DLG2: variants seen among roughly 807,000 people sequenced by gnomAD.
DLG2 encodes the protein disks large homolog 2.
In DLG2, 45 loss-of-function variants were observed where a neutral mutation model predicts 132.5. The observed-to-expected ratio is 0.34, with a 90% confidence interval of 0.27 to 0.44. The LOEUF is 0.44. Ranked by LOEUF, DLG2 falls within the 20% of genes least tolerant of loss-of-function variation. DLG2 has a pLI of 1.00. For synonymous variants in DLG2, 424 were observed against 419.6 expected (o/e 1.01, Z -0.13); for missense variants, 1,045 against 1,196.9 (o/e 0.87, Z 1.87).
At chr11:84,462,522 T>C (rs2099083150) in intron 7 of DLG2, among the ~76,000 whole-genome samples, 1 of 151,054 alleles carries the variant, frequency 6.6e-6, no homozygotes. Flanking sequence ...GTCCAAAAAC[T>C]AAGAAATGAA....
chr11:84,299,910 C>G (rs2098133570), intron 7 of DLG2, among the ~76,000 whole-genome samples: 1 of 152,092 alleles, frequency 6.6e-6, no homozygotes, highest in African/African-American at 2.4e-5. Context: ...AGGTGCCCAG[C>G]TTTGATGAGA....
chr11:85,356,959 A>G (rs2083748833), intron 3 of DLG2, among the ~76,000 whole-genome samples: 1 of 152,154 alleles, frequency 6.6e-6, no homozygotes, highest in Non-Finnish European at 1.5e-5. Flanking sequence ...TTTACTGGGA[A>G]GCTTCTGGGT....
At chr11:85,511,573 C>A (rs779827785) in intron 3 of DLG2, among the ~76,000 whole-genome samples, 30 of 151,802 alleles carry the variant, frequency 2.0e-4, no homozygotes, top group Non-Finnish European at 2.9e-4. Flanking sequence ...TCAAGCAGAA[C>A]CTAAATGATA....
intron 18 of DLG2, chr11:83,647,466 C>T (rs1298893170): frequency 2.0e-5 from 3 of 152,124 alleles, no homozygotes; most frequent in African/African-American, 7.2e-5. Flanking sequence ...GCTATAGCTG[C>T]TCCTTTTAAA....
intron 5 of DLG2, among the ~76,000 whole-genome samples, chr11:85,139,301 T>C (rs2076312685): frequency 6.6e-6 from 1 of 152,112 alleles, no homozygotes; most frequent in Admixed American, 6.6e-5. Context: ...GATTTTTGAA[T>C]GAGTGAATGA....
chr11:83,578,393 C>G (rs1456695533), intron 19 of DLG2, among the ~76,000 whole-genome samples: 1 of 152,000 alleles, frequency 6.6e-6, no homozygotes, highest in East Asian at 1.9e-4. Flanking sequence ...GATGATTAGA[C>G]TTAAACCTAA....
At chr11:84,832,238 C>T (rs1322394388) in intron 6 of DLG2, among the ~76,000 whole-genome samples, 1 of 151,748 alleles carries the variant, frequency 6.6e-6, no homozygotes, top group African/African-American at 2.4e-5. Context: ...GCACCAGAAA[C>T]TTAAATCTTT....
intron 9 of DLG2, among the ~76,000 whole-genome samples, chr11:84,134,254 A>G (rs2094522279): frequency 6.6e-6 from 1 of 150,912 alleles, no homozygotes; most frequent in South Asian, 2.1e-4. Context: ...ACTTAGGTAG[A>G]AACAGTCTTC....
chr11:84,026,607 TATA>T (rs1383733407), intron 11 of DLG2, among the ~76,000 whole-genome samples: 6 of 56,922 alleles, frequency 1.1e-4, no homozygotes, highest in Non-Finnish European at 2.0e-4. Flanking sequence ...GTTCCACACT[TATA>T]GTTATATATC....
At chr11:84,434,831 T>C (rs2098995597) in intron 7 of DLG2, among the ~76,000 whole-genome samples, 1 of 148,456 alleles carries the variant, frequency 6.7e-6, no homozygotes, top group African/African-American at 2.5e-5. Context: ...TTGAGGAAAA[T>C]ACTTTTCAGT....
At chr11:84,797,710 G>T (rs1189046550) in intron 6 of DLG2, among the ~76,000 whole-genome samples, 4 of 152,120 alleles carry the variant, frequency 2.6e-5, no homozygotes, top group African/African-American at 9.7e-5. Flanking sequence ...TGTCACTCTG[G>T]GTTTAGTCAC....
intron 18 of DLG2, among the ~76,000 whole-genome samples, chr11:83,744,351 C>T (rs2092752963): frequency 6.6e-6 from 1 of 152,170 alleles, no homozygotes; most frequent in Admixed American, 6.6e-5. Context: ...TTCCCATATG[C>T]ACTCTGATTA....
chr11:85,095,534 G>C (rs1015240748), intron 6 of DLG2, among the ~76,000 whole-genome samples: 4 of 151,458 alleles, frequency 2.6e-5, no homozygotes, highest in African/African-American at 9.7e-5. Context: ...TCTTAAATAT[G>C]CTCATTTTTC....
chr11:85,239,036 A>T (rs1298328265), intron 4 of DLG2, among the ~76,000 whole-genome samples: 1 of 151,998 alleles, frequency 6.6e-6, no homozygotes, highest in African/African-American at 2.4e-5. Flanking sequence ...GTTATTCAAG[A>T]TTTACAATAT....
intron 4 of DLG2, among the ~76,000 whole-genome samples, chr11:85,168,104 T>C (rs1337800317): frequency 6.6e-6 from 1 of 152,118 alleles, no homozygotes; most frequent in Non-Finnish European, 1.5e-5. Context: ...TATTTGTTGA[T>C]TCAATATACA....
At chr11:85,374,512 T>A (rs2085246346) in intron 3 of DLG2, among the ~76,000 whole-genome samples, 1 of 152,204 alleles carries the variant, frequency 6.6e-6, no homozygotes, top group Non-Finnish European at 1.5e-5. Flanking sequence ...GCTAATTTTG[T>A]ATTTTTAGTA....
chr11:84,813,622 T>A (rs1266080431), intron 6 of DLG2, among the ~76,000 whole-genome samples: 1 of 152,076 alleles, frequency 6.6e-6, no homozygotes, highest in Non-Finnish European at 1.5e-5. Flanking sequence ...TGACAGAGAA[T>A]GCAGGTGGAA....
At chr11:83,643,642 C>T (rs1025995949) in intron 18 of DLG2, 6 of 152,112 alleles carry the variant, frequency 3.9e-5, no homozygotes, top group Admixed American at 6.6e-5. Context: ...CTTTGCCTGA[C>T]GCCATCCATG....
chr11:85,548,092 T>C (rs1249372162), intron 3 of DLG2, among the ~76,000 whole-genome samples: 1 of 152,212 alleles, frequency 6.6e-6, no homozygotes, highest in Non-Finnish European at 1.5e-5. Context: ...TTTCAGCCTT[T>C]TTGTGCTGTT....
Sources: gnomAD v4.1 joint callset for allele counts (sites outside exome capture counted in the v4.1 genomes callset) on GRCh38, gnomAD v4.1.1 for gene constraint, MANE v1.5 for transcripts, NCBI Gene and HGNC (gene_info 2026-07-23, HGNC 2026-07-21) for gene names.